LRP2: variants seen among roughly 807,000 people sequenced by gnomAD.
LRP2 encodes the protein low-density lipoprotein receptor-related protein 2.
Under a neutral mutation model 531.0 loss-of-function variants are expected in LRP2, and 172 were observed. The observed-to-expected ratio is 0.32, with a 90% CI of 0.29 to 0.37. The LOEUF is 0.37. LRP2 is among the 10% of genes least tolerant of loss of function. The pLI, the probability that LRP2 is intolerant of heterozygous loss-of-function variation, is 1.00. For synonymous variants in LRP2, 1,992 were observed against 2,027.6 expected (o/e 0.98, Z 0.47); for missense variants, 5,167 against 5,868.3 (o/e 0.88, Z 3.90).
chr2:169,134,326 AGCTCCTTCAGCT>A (rs955865555), intron 76 of LRP2, among the ~76,000 whole-genome samples: 1 of 151,826 alleles, frequency 6.6e-6, no homozygotes, highest in African/African-American at 2.4e-5. Flanking sequence ...TCTGTTCCCC[AGCTCCTTCAGCT>A]GTACTCACTC....
intron 48 of LRP2, 92 bp downstream of exon 48, chr2:169,191,740 G>A (rs1687835571): frequency 2.9e-6 from 3 of 1,027,574 alleles, no homozygotes; most frequent in African/African-American, 3.1e-5. Flanking sequence ...TGGGCCCTGG[G>A]CACTGTGGCC....
chr2:169,361,974 G>GCTCC (rs1686178752), intron 1 of LRP2, among the ~76,000 whole-genome samples: 1 of 152,210 alleles, frequency 6.6e-6, no homozygotes, highest in South Asian at 2.1e-4. Context: ...CGCTAGGGAG[G>GCTCC]GCAGGCTGCA....
At chr2:169,235,770 C>T (rs1045096935) in intron 29 of LRP2, 70 bp downstream of exon 29, 2 of 1,209,682 alleles carry the variant, frequency 1.7e-6, no homozygotes, top group Admixed American at 1.7e-5. Context: ...CTTAGCTTTT[C>T]TGATACTCGT....
chr2:169,130,087 C>T (rs1685229862), intron 77 of LRP2, among the ~76,000 whole-genome samples: 1 of 152,218 alleles, frequency 6.6e-6, no homozygotes, highest in Non-Finnish European at 1.5e-5. Context: ...TGAAGACATT[C>T]AGGTCAGAGC....
chr2:169,330,556 A>G (rs536824958), intron 1 of LRP2, among the ~76,000 whole-genome samples: 62 of 152,324 alleles, frequency 4.1e-4, no homozygotes, highest in Admixed American at 1.4e-3. Context: ...ACAGAACATT[A>G]TAAGCAAAGC....
At chr2:169,284,576 C>T (rs72878458) in intron 9 of LRP2, among the ~76,000 whole-genome samples, 21,795 of 152,010 alleles carry the variant, frequency 0.14, 1,660 homozygotes, top group South Asian at 0.27. Flanking sequence ...CCCAAGAAGG[C>T]TCTTCTAATG....
At position 169,209,638 on chromosome 2, in the gene LRP2, C is replaced by T. The variant is rs769929318; in HGVS notation, c.6284G>A (p.Arg2095Gln). The change falls in exon 38 of 79, where the codon CGA becomes CAA. Residue 2095 changes from arginine to glutamine, a missense_variant. Arg to Gln is a conservative substitution (Grantham distance 43). Coordinates refer to ENST00000649046, the MANE Select transcript of LRP2 (RefSeq NM_004525.3). ...ATCCACATCCACATGCAGTGCGTTTCGTCCTGGAAGTTAAGAAAAGATCAT... is the reference window on the plus strand; with the variant it reads ...ATCCACATCCACATGCAGTGCGTTTTGTCCTGGAAGTTAAGAAAAGATCAT... Reference protein sequence around the residue: ...ETMVPVAGQGRNALHVDVDVS... With the variant: ...ETMVPVAGQGQNALHVDVDVS... 8.1e-6 allele frequency: 13 copies of T among 1,613,866 alleles called. No homozygotes were observed. The East Asian group carries it at 1.3e-4, about 17-fold the overall frequency.
At position 169,145,850 on chromosome 2, in the gene LRP2, C is replaced by T; in HGVS notation, c.12885G>A (p.Trp4295Ter). ...TTCCTTGCCCAAATTTATTTTGTTT[C>T]CATACTTCTCCCTTTTCCTTAGATA... Reference protein sequence around the residue: ...YWISKEKGEVWKQNKFGQGKK... With the variant: ...YWISKEKGEV The change falls in exon 70 of 79, where the codon TGG becomes TGA. Residue 4295 changes from tryptophan (W) to a stop codon, truncating the protein, a stop_gained. Coordinates refer to ENST00000649046, the MANE Select transcript of LRP2 (RefSeq NM_004525.3). LOFTEE classifies it high-confidence loss of function. 6.2e-7 allele frequency: 1 copy of T among 1,614,108 alleles called. No individual in the cohort carries two copies.
intron 37 of LRP2, among the ~76,000 whole-genome samples, chr2:169,211,601 C>G (rs1688594808): frequency 1.3e-5 from 2 of 152,168 alleles, no homozygotes; most frequent in African/African-American, 4.8e-5. Context: ...CTCTGTAGTA[C>G]TTCTTGCAAA....
chr2:169,148,103 C>G (rs1486957213), intron 68 of LRP2, among the ~76,000 whole-genome samples: 1 of 152,206 alleles, frequency 6.6e-6, no homozygotes, highest in Non-Finnish European at 1.5e-5. Context: ...TTTAGACAAA[C>G]TGGGCTCTGG....
Position 169,202,878 on chromosome 2 carries a change from T to C in LRP2, c.8087A>G (p.Asn2696Ser). Residue 2696 changes from asparagine to serine, a missense_variant, in exon 43 of 79, where the codon AAT becomes AGT. Coordinates refer to ENST00000649046, the MANE Select transcript of LRP2 (RefSeq NM_004525.3). ...GGAAGATGCACCACATCGTTCACCATTGTCCACAATGCAGTGCTTCCTGTT... is the reference window on the plus strand; with the variant it reads ...GGAAGATGCACCACATCGTTCACCACTGTCCACAATGCAGTGCTTCCTGTT... Reference protein sequence around the residue: ...ANNRKHCIVDNGERCGASSFT... With the variant: ...ANNRKHCIVDSGERCGASSFT... 2 of 1,610,608 alleles carry C rather than the reference T, an allele frequency of 1.2e-6. No homozygotes were observed. The highest frequency in any genetic ancestry group is 8.5e-7 in the Non-Finnish European group (1 of 1,177,996).
chr2:169,150,823 A>T (rs1377143951), intron 68 of LRP2, 75 bp downstream of exon 68: 1 of 1,593,260 alleles, frequency 6.3e-7, no homozygotes, highest in African/African-American at 1.3e-5. Context: ...GGAAAAAAAA[A>T]TTATAAGAAA....
At position 169,209,478 on chromosome 2, in the gene LRP2, C is replaced by T. The variant is rs1401837813; in HGVS notation, c.6444G>A (p.Arg2148=). The change falls in exon 38 of 79, where the codon CGG becomes CGA. Residue 2148 remains arginine, a synonymous_variant. Coordinates refer to ENST00000649046, the MANE Select transcript of LRP2 (RefSeq NM_004525.3). ...CTGCTACCCAATCCACTGCAATACCCCGGACTCCATTTTCTCCTATTCCAT... is the reference window on the plus strand; with the variant it reads ...CTGCTACCCAATCCACTGCAATACCTCGGACTCCATTTTCTCCTATTCCAT... The part of the protein sequence containing the change: ...VTHGIGENGV[R]GIAVDWVAGN... 1 of 1,613,946 alleles carries T rather than the reference C, an allele frequency of 6.2e-7. No homozygotes were observed. The highest frequency in any genetic ancestry group is 1.1e-5 in the South Asian group (1 of 91,092).
chr2:169,177,197 C>T (rs898515809), intron 53 of LRP2, among the ~76,000 whole-genome samples: 5 of 152,116 alleles, frequency 3.3e-5, no homozygotes, highest in Admixed American at 1.3e-4. Context: ...ACAAAGCAGA[C>T]CCACAAAAAC....
At position 169,200,645 on chromosome 2, in the gene LRP2, C is replaced by G. The variant is rs149729232; in HGVS notation, c.8452+983G>C. On this transcript the variant is annotated intron_variant, in intron 44 of 78. Transcript: ENST00000649046. ...CTAAACTAAACAAAAAGTTAATTCT[C>G]CTTTGTCACCAACTCATTACTCTGA... Among the ~76,000 whole-genome samples the G allele has an allele frequency of 7.0e-3, 1,062 of 152,276 alleles. 7 individuals are homozygous for G. The highest frequency in any genetic ancestry group is 0.044 in the Middle Eastern group (13 of 294).
chr2:169,262,977 G>C (rs928795390), intron 16 of LRP2, among the ~76,000 whole-genome samples: 1 of 151,880 alleles, frequency 6.6e-6, no homozygotes, highest in Non-Finnish European at 1.5e-5. Flanking sequence ...ACAAACCTGA[G>C]AAAAAAAGCA....
At chr2:169,246,139 G>A (rs1689995353) in intron 21 of LRP2, among the ~76,000 whole-genome samples, 1 of 151,646 alleles carries the variant, frequency 6.6e-6, no homozygotes, top group East Asian at 1.9e-4. Context: ...AATAGTCCCA[G>A]CTATTTGTAA....
chr2:169,320,106 C>T (rs1276949416), intron 2 of LRP2, among the ~76,000 whole-genome samples: 1 of 152,184 alleles, frequency 6.6e-6, no homozygotes, highest in Non-Finnish European at 1.5e-5. Context: ...GACTTACCAA[C>T]TGTAAGAACT....
In LRP2 at chr2:169,254,643, T is replaced by TAAAAAA. The variant is rs528767921; in HGVS notation, c.2770+1457_2770+1462dup. On this transcript the variant is annotated intron_variant, in intron 19 of 78. Coordinates refer to ENST00000649046, the MANE Select transcript of LRP2 (RefSeq NM_004525.3). ...ATGTACCCTAAAACTTAGAGTATAATAAAAAAAAAAAAAAACAGCAATGTT... is the reference window on the plus strand; with the variant it reads ...ATGTACCCTAAAACTTAGAGTATAATAAAAAAAAAAAAAAAAAAAAACAGCAATGTT... 4.2e-3 allele frequency among the ~76,000 whole-genome samples: 308 copies of TAAAAAA among 73,242 alleles called. 55 individuals are homozygous for TAAAAAA. The South Asian group carries it at 0.082, about 19-fold the overall frequency. 48.0% of individuals were successfully genotyped at this position (73,242 alleles called of 152,430 possible).
Sources: allele counts gnomAD v4.1 joint callset (sites outside exome capture counted in the v4.1 genomes callset), GRCh38; gene constraint gnomAD v4.1.1; transcripts MANE v1.5; gene names NCBI Gene and HGNC (gene_info 2026-07-23, HGNC 2026-07-21).